CUBN: variants seen among roughly 807,000 people sequenced by gnomAD.
CUBN encodes cubilin, also known as 460 kDa receptor.
In CUBN, 282 loss-of-function variants were observed where a neutral mutation model predicts 405.3. The observed-to-expected ratio is 0.70, with a 90% CI of 0.63 to 0.77. CUBN has a LOEUF of 0.77. Ranked by LOEUF, CUBN falls within the 30% of genes least tolerant of loss-of-function variation. CUBN has a pLI of 0.00. For missense variants in CUBN, 4,514 were observed against 4,475.2 expected (o/e 1.01, Z -0.25); for synonymous variants, 1,684 against 1,617.0 (o/e 1.04, Z -0.99).
intron 22 of CUBN, among the ~76,000 whole-genome samples, chr10:17,062,302 G>A (rs1198398091): frequency 5.3e-5 from 8 of 151,996 alleles, no homozygotes; most frequent in Admixed American, 3.9e-4. Context: ...AAATGAATCC[G>A]GTACATTTAT....
chr10:17,081,491 C>A (rs1406791921), intron 17 of CUBN, among the ~76,000 whole-genome samples: 2 of 152,116 alleles, frequency 1.3e-5, no homozygotes, highest in South Asian at 2.1e-4. Flanking sequence ...TTTTTTAATT[C>A]TTTTTCATAA....
In CUBN at chr10:16,872,349, C is replaced by CATATATATATATATATAT. The variant is rs138781700; in HGVS notation, c.9236+2024_9236+2025insATATATATATATATATAT. The stretch of plus-strand genomic sequence containing the variant: ...AAAATACATTTAGATTGTATACATA[C>CATATATATATATATATAT]ATATATATATAGATAGATAGACAGA... On this transcript the variant is annotated intron_variant, in intron 58 of 66. Transcript: ENST00000377833. Among the ~76,000 whole-genome samples the CATATATATATATATATAT allele has an allele frequency of 3.7e-3, 556 of 149,016 alleles. 4 individuals carry two copies. Among genetic ancestry groups the CATATATATATATATATAT allele is most frequent in the African/African-American group, 0.013 (521 of 39,600 alleles).
intron 60 of CUBN, among the ~76,000 whole-genome samples, chr10:16,847,653 A>C (rs1298970563): frequency 6.6e-6 from 1 of 152,206 alleles, no homozygotes; most frequent in Non-Finnish European, 1.5e-5. Flanking sequence ...GGCCTGGCAC[A>C]TACCCTTGCC....
At chr10:16,889,956 G>GGAT (rs1840952405) in intron 55 of CUBN, among the ~76,000 whole-genome samples, 1 of 131,730 alleles carries the variant, frequency 7.6e-6, no homozygotes, top group Non-Finnish European at 1.5e-5. Flanking sequence ...AAAAAAAACA[G>GGAT]GAAAGACTTC....
intron 25 of CUBN, 43 bp downstream of exon 25, chr10:17,044,964 G>A: frequency 6.4e-7 from 1 of 1,569,386 alleles, no homozygotes; most frequent in East Asian, 2.2e-5. Flanking sequence ...TGCGTTGGGT[G>A]AGATGGGAGC....
At chr10:17,024,319 A>G (rs1189965991) in intron 27 of CUBN, among the ~76,000 whole-genome samples, 1 of 152,088 alleles carries the variant, frequency 6.6e-6, no homozygotes, top group Non-Finnish European at 1.5e-5. Context: ...CAGACACCCC[A>G]CCTGTCCCCT....
Position 16,918,638 on chromosome 10 carries a change from C to A in CUBN, c.6984G>T (p.Lys2328Asn). 1 of 1,613,716 alleles carries A rather than the reference C, an allele frequency of 6.2e-7. No homozygotes were observed. The highest frequency in any genetic ancestry group is 8.5e-7 in the Non-Finnish European group (1 of 1,179,744). The change falls in exon 45 of 67, where the codon AAG becomes AAT. Residue 2328 changes from lysine to asparagine, a missense_variant. By Grantham distance (94) the Lys-to-Asn change is moderately conservative (BLOSUM62 0). Around this residue, in one of 5 missense-constraint regions of CUBN, gnomAD observed 1,613 missense variants for 1,542.8 expected, o/e 1.05. Transcript: ENST00000377833. The part of the protein sequence containing the change: ...SDNSPTHVGF[K>N]AKYSIAQCGG... ...AATTATTACCTATAGAATACTTGGC[C>A]TTGAATCCCACATGTGTGGGGCTGT... is the stretch of plus-strand genomic sequence containing the variant.
At chr10:17,046,579 A>G (rs1398213883) in intron 23 of CUBN, among the ~76,000 whole-genome samples, 1 of 152,150 alleles carries the variant, frequency 6.6e-6, no homozygotes, top group Non-Finnish European at 1.5e-5. Flanking sequence ...TGGGGCCTTA[A>G]TTCTAGTTTA....
At chr10:16,935,380 T>C (rs1470382124) in intron 39 of CUBN, among the ~76,000 whole-genome samples, 1 of 151,964 alleles carries the variant, frequency 6.6e-6, no homozygotes, top group Admixed American at 6.6e-5. Context: ...CTCAAACTCC[T>C]GGGCTTCAAG....
At chr10:16,855,432 G>C (rs1244582453) in intron 59 of CUBN, among the ~76,000 whole-genome samples, 2 of 152,060 alleles carry the variant, frequency 1.3e-5, no homozygotes, top group African/African-American at 4.8e-5. Context: ...TTGTTGTCTA[G>C]GACTTTGTGC....
chr10:16,917,851 A>C (rs1181158537), intron 45 of CUBN, among the ~76,000 whole-genome samples: 5 of 152,286 alleles, frequency 3.3e-5, no homozygotes, highest in Non-Finnish European at 2.9e-5. Flanking sequence ...GTTTTTAAAA[A>C]AGTTTTAACA....
intron 64 of CUBN, among the ~76,000 whole-genome samples, chr10:16,834,453 A>G (rs562890299): frequency 6.6e-6 from 1 of 152,224 alleles, no homozygotes; most frequent in African/African-American, 2.4e-5. Context: ...TCTGTGCCCA[A>G]ATTCAAGCTC....
At chr10:16,939,312 T>C (rs972823217) in intron 37 of CUBN, among the ~76,000 whole-genome samples, 165 bp from the exon 38 acceptor site, 1 of 152,194 alleles carries the variant, frequency 6.6e-6, no homozygotes, top group Non-Finnish European at 1.5e-5. Context: ...GTTTCTGGGC[T>C]ATCACTTCCT....
intron 29 of CUBN, among the ~76,000 whole-genome samples, chr10:16,987,703 T>A (rs151246302): frequency 2.6e-5 from 4 of 152,190 alleles, no homozygotes; most frequent in African/African-American, 4.8e-5. Context: ...TAACAAACTT[T>A]TAAACCCACT....
rs986680465 is a variant in CUBN at position 16,947,286 on chromosome 10, C to T, written c.5291G>A (p.Cys1764Tyr). 5.0e-6 allele frequency: 8 copies of T among 1,614,044 alleles called. No individual in the cohort carries two copies. In the East Asian group the frequency reaches 1.8e-4, roughly 36 times the overall value. The part of the protein sequence containing the change: ...YPDIYPPNVE[C>Y]VWNIVSSPGN... ...AGGGGAACTGACGATGTTCCAGACA[C>T]ATTCCACATTAGGGGGATAAATGTC... is the stretch of plus-strand genomic sequence containing the variant. The change falls in exon 36 of 67, where the codon TGT becomes TAT. Residue 1764 changes from cysteine to tyrosine, a missense_variant. Around this residue, in one of 5 missense-constraint regions of CUBN, gnomAD observed 1,613 missense variants for 1,542.8 expected, o/e 1.05. Coordinates refer to ENST00000377833, the MANE Select transcript of CUBN (RefSeq NM_001081.4).
intron 62 of CUBN, among the ~76,000 whole-genome samples, chr10:16,838,261 C>A (rs1839234023): frequency 1.3e-5 from 2 of 152,126 alleles, no homozygotes; most frequent in African/African-American, 4.8e-5. Context: ...ACATGAGAAG[C>A]AGGGGACCCC....
At chr10:17,011,075 T>C (rs190977702) in intron 28 of CUBN, among the ~76,000 whole-genome samples, 63 of 152,338 alleles carry the variant, frequency 4.1e-4, no homozygotes, top group Admixed American at 3.3e-3. Flanking sequence ...ACTCCACTTC[T>C]CTTTCCAGTT....
chr10:17,100,441 T>C (rs943257242), intron 13 of CUBN, among the ~76,000 whole-genome samples: 1 of 152,028 alleles, frequency 6.6e-6, no homozygotes, highest in Non-Finnish European at 1.5e-5. Context: ...TCAACTAATA[T>C]CAAAATATAT....
rs1839175259 is a variant in CUBN at position 16,836,548 on chromosome 10, GAT to G, written c.10033-168_10033-167del. Among the ~76,000 whole-genome samples the G allele has an allele frequency of 2.6e-5, 4 of 152,270 alleles. No homozygotes were observed. The South Asian group carries it at 8.3e-4, about 31-fold the overall frequency. ...GAAGACTCACGTTGGCCTTGGAATT[GAT>G]GCAAGTTGCACCTTCCCAGAGGGGC... On this transcript the variant is annotated intron_variant, in intron 62 of 66. Transcript: ENST00000377833.
Sources: allele counts gnomAD v4.1 joint callset (sites outside exome capture counted in the v4.1 genomes callset), GRCh38; gene constraint gnomAD v4.1.1; regional missense constraint gnomAD v4.1.1; transcripts MANE v1.5; gene names NCBI Gene and HGNC (gene_info 2026-07-23, HGNC 2026-07-21).